The following MARCHF1 variants were observed in gnomAD, a reference collection of about 807,000 sequenced individuals.
MARCHF1 encodes membrane associated ring-CH-type finger 1, also known as E3 ubiquitin-protein ligase MARCHF1.
MARCHF1 carries 40 observed loss-of-function variants against 54.2 expected under a neutral mutation model. The ratio of observed to expected loss-of-function variants is 0.74; its 90% CI spans 0.57 to 0.96. MARCHF1 has a LOEUF of 0.96. Among genes scored for constraint, MARCHF1 ranks in the 40% least tolerant of loss-of-function variants. The probability of loss-of-function intolerance (pLI) is 0.00; values close to 1 mark genes in which losing one functional copy is unlikely to be tolerated. For synonymous variants in MARCHF1, 236 were observed against 236.3 expected, an observed-to-expected ratio of 1.00 and a Z score of 0.01; for missense variants, 586 against 656.5, an observed-to-expected ratio of 0.89 and a Z score of 1.17.
intron 7 of MARCHF1, among the ~76,000 whole-genome samples, chr4:163,600,222 C>T (rs2036907): frequency 0.32 from 49,170 of 151,428 alleles, 9,007 homozygotes; most frequent in Non-Finnish European, 0.42. Context: ...TATATACACA[C>T]ACACTACACA....
At chr4:163,620,563 T>G (rs1741644650) in intron 5 of MARCHF1, among the ~76,000 whole-genome samples, 2 of 111,300 alleles carry the variant, frequency 1.8e-5, no homozygotes, top group African/African-American at 3.6e-5. Context: ...AAGAATGAGG[T>G]ACACCACACA....
At position 163,886,348 on chromosome 4, in the gene MARCHF1, G is replaced by T. The variant is rs867138613; in HGVS notation, c.-38-32179C>A. Among the ~76,000 whole-genome samples the T allele has an allele frequency of 6.5e-5, 9 of 138,598 alleles. No homozygotes were observed. In the South Asian group the frequency reaches 9.5e-4, roughly 15 times the overall value. The allele number at this position is 138,598 out of a possible 152,430, so 90.9% of individuals were successfully genotyped here. A position where few individuals can be genotyped will look rare whatever the true frequency, so the allele number is the denominator to read the frequency against. On this transcript the variant is annotated intron_variant, in intron 3 of 9. Transcript: ENST00000514618. ...AGATAGATAGATAGATAGATAGATA[G>T]ATATAGATAGATAGATATAGACAGA...
At chr4:163,624,326 G>A (rs944835797) in intron 5 of MARCHF1, among the ~76,000 whole-genome samples, 4 of 152,052 alleles carry the variant, frequency 2.6e-5, no homozygotes, top group South Asian at 2.1e-4. Flanking sequence ...GGATAAATGC[G>A]CCAACACCCA....
At chr4:164,037,954 G>A (rs1754044338) in intron 2 of MARCHF1, among the ~76,000 whole-genome samples, 1 of 152,172 alleles carries the variant, frequency 6.6e-6, no homozygotes, top group Non-Finnish European at 1.5e-5. Context: ...AGAGAAATTA[G>A]TTATTGTCAG....
chr4:163,984,527 G>A (rs1001391853), intron 3 of MARCHF1, among the ~76,000 whole-genome samples: 1 of 152,148 alleles, frequency 6.6e-6, no homozygotes, highest in Non-Finnish European at 1.5e-5. Flanking sequence ...CCCCATCCAT[G>A]CTGTATCTCT....
In MARCHF1 at chr4:163,527,830, TCAA is replaced by T. The variant is rs1161930021; in HGVS notation, c.*915_*917del. On this transcript the variant is annotated 3_prime_UTR_variant, in exon 10 of 10. Coordinates refer to ENST00000514618, the MANE Select transcript of MARCHF1 (RefSeq NM_001394959.1). ...CAGATGTAAACTATCAATCAATCAATCAATTTTTTATATTGATGACATGTTGAA... is the reference window on the plus strand; with the variant it reads ...CAGATGTAAACTATCAATCAATCAATTTTTTTATATTGATGACATGTTGAA... The T allele has an allele frequency of 5.2e-5, 7 of 135,752 alleles. No homozygotes were observed. Among genetic ancestry groups the T allele is most frequent in the South Asian group, 4.6e-4 (2 of 4,362 alleles). 8.4% of individuals were successfully genotyped at this position (135,752 alleles called of 1,614,324 possible).
intron 1 of MARCHF1, among the ~76,000 whole-genome samples, chr4:164,200,838 A>G (rs1731431450): frequency 6.6e-6 from 1 of 152,196 alleles, no homozygotes; most frequent in Non-Finnish European, 1.5e-5. Context: ...AGGTGTATGC[A>G]GGTGAATGGT....
At chr4:164,071,376 A>C (rs917020494) in intron 2 of MARCHF1, among the ~76,000 whole-genome samples, 1 of 152,078 alleles carries the variant, frequency 6.6e-6, no homozygotes, top group African/African-American at 2.4e-5. Context: ...ATTATAATAG[A>C]TTTCACCAAA....
intron 2 of MARCHF1, among the ~76,000 whole-genome samples, chr4:164,092,287 A>C (rs1755321298): frequency 6.6e-6 from 1 of 152,108 alleles, no homozygotes; most frequent in African/African-American, 2.4e-5. Flanking sequence ...GTCTTCCCTG[A>C]CAAAAATGTT....
chr4:163,810,572 T>A (rs1013045900), intron 4 of MARCHF1, among the ~76,000 whole-genome samples: 4 of 152,202 alleles, frequency 2.6e-5, no homozygotes, highest in African/African-American at 9.6e-5. Context: ...TTCATTCATA[T>A]GACAATAATT....
chr4:163,836,140 C>A (rs1043881576), intron 4 of MARCHF1, among the ~76,000 whole-genome samples: 2 of 152,152 alleles, frequency 1.3e-5, no homozygotes, highest in African/African-American at 2.4e-5. Flanking sequence ...CTAGAATAAA[C>A]ATCTTTCCAT....
At chr4:163,639,799 T>A (rs550104200) in intron 5 of MARCHF1, among the ~76,000 whole-genome samples, 1 of 151,892 alleles carries the variant, frequency 6.6e-6, no homozygotes, top group Non-Finnish European at 1.5e-5. Context: ...GGAGGAGGAG[T>A]AAGGACAGAG....
chr4:163,771,901 A>T (rs1254668547), intron 4 of MARCHF1, among the ~76,000 whole-genome samples: 1 of 152,214 alleles, frequency 6.6e-6, no homozygotes, highest in East Asian at 1.9e-4. Context: ...TTACCAATTG[A>T]TGATCACTAT....
chr4:163,955,335 T>C (rs566620088), intron 3 of MARCHF1, among the ~76,000 whole-genome samples: 1 of 141,008 alleles, frequency 7.1e-6, no homozygotes, highest in African/African-American at 2.7e-5. Flanking sequence ...GAGGATAGGA[T>C]CTGCTTTGAG....
intron 1 of MARCHF1, among the ~76,000 whole-genome samples, chr4:164,340,684 A>G (rs1400550355): frequency 6.6e-6 from 1 of 151,518 alleles, no homozygotes; most frequent in African/African-American, 2.4e-5. Flanking sequence ...TGGCCTTTCA[A>G]AGTGCTGGCA....
intron 1 of MARCHF1, among the ~76,000 whole-genome samples, chr4:164,345,467 G>C (rs1431860984): frequency 1.3e-5 from 2 of 151,844 alleles, no homozygotes; most frequent in East Asian, 3.9e-4. Context: ...AGCTACTTGG[G>C]AGGCTAGACA....
intron 3 of MARCHF1, among the ~76,000 whole-genome samples, chr4:163,889,919 C>CTTTTTTTTTTTTTTTTTTTT: frequency 1.7e-5 from 2 of 117,236 alleles, no homozygotes; most frequent in Non-Finnish European, 3.3e-5. Context: ...TATTTATTTT[C>CTTTTTTTTTTTTTTTTTTTT]TTTTTTCTTT....
chr4:163,812,428 A>G (rs905618922), intron 4 of MARCHF1, among the ~76,000 whole-genome samples: 4 of 152,112 alleles, frequency 2.6e-5, no homozygotes, highest in Admixed American at 2.6e-4. Context: ...TGAGGCTTAC[A>G]TATATTCGGT....
At chr4:164,143,076 T>C (rs944796554) in intron 1 of MARCHF1, among the ~76,000 whole-genome samples, 7 of 144,928 alleles carry the variant, frequency 4.8e-5, no homozygotes, top group Non-Finnish European at 7.7e-5. Context: ...GTATCAGCAA[T>C]GGAAGATGAA....
Sources: gnomAD v4.1 joint callset for allele counts (sites outside exome capture counted in the v4.1 genomes callset) on GRCh38, gnomAD v4.1.1 for gene constraint, MANE v1.5 for transcripts, NCBI Gene and HGNC (gene_info 2026-07-23, HGNC 2026-07-21) for gene names.